The following DERA variants were observed in gnomAD, a reference collection of about 807,000 sequenced individuals.
DERA encodes the protein 2-deoxy-D-ribose 5-phosphate aldolase.
A neutral mutation model predicts 41.1 loss-of-function variants in DERA; 15 were observed. That is an observed-to-expected ratio of 0.37 (90% CI 0.24 to 0.56). DERA has a LOEUF of 0.56. Ranked by LOEUF, DERA falls within the 20% of genes least tolerant of loss-of-function variation. DERA has a pLI of 0.81. For missense variants in DERA, 396 were observed against 403.4 expected, an observed-to-expected ratio of 0.98 and a Z score of 0.16; for synonymous variants, 139 against 137.4, an observed-to-expected ratio of 1.01 and a Z score of -0.08.
intron 6 of DERA, among the ~76,000 whole-genome samples, chr12:16,025,847 A>G (rs983259755): frequency 6.6e-6 from 1 of 152,122 alleles, no homozygotes; most frequent in African/African-American, 2.4e-5. Context: ...ATCACACAAA[A>G]TATGTTCTCA....
chr12:16,022,872 C>T (rs1565616847), intron 6 of DERA, among the ~76,000 whole-genome samples: 1 of 152,258 alleles, frequency 6.6e-6, no homozygotes, highest in East Asian at 1.9e-4. Context: ...AGAACCCCAC[C>T]AGGTTCTCAC....
rs1271975772 is a variant in DERA, at chr12:16,014,121, C to T, written c.638-18421C>T. ...AACTTAGTTTAAAAGGGAAGCAGAG[C>T]ATAAAAGTTTAGAAAATTTGCAGCC... is the stretch of plus-strand genomic sequence containing the variant. On this transcript the variant is annotated intron_variant, in intron 6 of 8. Transcript: ENST00000428559. The surrounding 1 kb of genome is among the most constrained non-coding windows in gnomAD (Gnocchi z 5.4). Among the ~76,000 whole-genome samples the T allele has an allele frequency of 6.6e-6, 1 of 152,074 alleles. No homozygotes were observed. The highest frequency in any genetic ancestry group is 2.4e-5 in the African/African-American group (1 of 41,392).
Position 15,957,387 on chromosome 12 carries a change from T to C in DERA, c.129+354T>C, listed in dbSNP as rs1948548029. Among the ~76,000 whole-genome samples the C allele has an allele frequency of 6.6e-6, 1 of 152,218 alleles. No homozygotes were observed. The highest frequency in any genetic ancestry group is 1.5e-5 in the Non-Finnish European group (1 of 68,036). On this transcript the variant is annotated intron_variant, in intron 2 of 8. Transcript: ENST00000428559. The surrounding 1 kb of genome is among the most constrained non-coding windows in gnomAD (Gnocchi z 4.8). Reference sequence around the variant, plus strand: ...AATTTTAAAGCCCTAACATCTAAACTTGATGTGTCCACTGTTGAGGCCCTT... The same window carrying C: ...AATTTTAAAGCCCTAACATCTAAACCTGATGTGTCCACTGTTGAGGCCCTT...
At chr12:16,029,913 CTTTTTTTTTTTTT>C (rs71438364) in intron 6 of DERA, among the ~76,000 whole-genome samples, 5 of 59,692 alleles carry the variant, frequency 8.4e-5, no homozygotes, top group South Asian at 9.2e-4. Flanking sequence ...TAGCCTTGGT[CTTTTTTTTTTTTT>C]TTTTTTTTTT....
rs1948892038 is a variant in DERA at position 16,003,800 on chromosome 12, C to G, written c.637+21364C>G. On this transcript the variant is annotated intron_variant, in intron 6 of 8. Transcript: ENST00000428559. The surrounding 1 kb of genome is among the most constrained non-coding windows in gnomAD (Gnocchi z 4.8). ...CACTGCCCCTTCCCCGCAAAACCCT[C>G]TTTGTATCACCATCTTGAGATTCCT... Among the ~76,000 whole-genome samples the G allele has an allele frequency of 6.6e-6, 1 of 152,184 alleles. No individual in the cohort carries two copies. The highest frequency in any genetic ancestry group is 6.5e-5 in the Admixed American group (1 of 15,284).
rs749622311 is a variant in DERA at position 15,996,141 on chromosome 12, G to GAC, written c.637+13715_637+13716dup. On this transcript the variant is annotated intron_variant, in intron 6 of 8. Transcript: ENST00000428559. This position sits in a 1 kb window ranked among gnomAD's most constrained non-coding sequence, Gnocchi z 4.7. ...GAAAATTATTTCATATGCAGACACA[G>GAC]ACACACACACAGAGCATGTGTGTGT... 5.5e-4 allele frequency among the ~76,000 whole-genome samples: 80 copies of GAC among 144,214 alleles called. No homozygotes were observed. The highest frequency in any genetic ancestry group is 1.2e-3 in the Non-Finnish European group (76 of 65,966). The allele number at this position is 144,214 out of a possible 152,430, so 94.6% of individuals were successfully genotyped here. A position where few individuals can be genotyped will look rare whatever the true frequency, so the allele number is the denominator to read the frequency against.
chr12:15,971,884 G>A, intron 5 of DERA: 1 of 317,776 alleles, frequency 3.1e-6, no homozygotes, highest in Non-Finnish European at 6.2e-6. Context: ...AGATTTTGGA[G>A]CACAGTCAAT....
At position 15,943,013 on chromosome 12, in the gene DERA, T is replaced by C. The variant is rs1328375332; in HGVS notation, c.32-13923T>C. Among the ~76,000 whole-genome samples the C allele has an allele frequency of 6.6e-6, 1 of 152,136 alleles. No individual in the cohort carries two copies. Among genetic ancestry groups the C allele is most frequent in the East Asian group, 1.9e-4 (1 of 5,182 alleles). Reference sequence around the variant, plus strand: ...ACCATATTGGGAAGAGCTATCAAATTTGACTTCAGTAGTTACTTAGAGCAT... The same window carrying C: ...ACCATATTGGGAAGAGCTATCAAATCTGACTTCAGTAGTTACTTAGAGCAT... On this transcript the variant is annotated intron_variant, in intron 1 of 8. Transcript: ENST00000428559. This position sits in a 1 kb window ranked among gnomAD's most constrained non-coding sequence, Gnocchi z 4.5.
At chr12:15,951,203 C>T (rs1340889484) in intron 1 of DERA, among the ~76,000 whole-genome samples, 2 of 152,226 alleles carry the variant, frequency 1.3e-5, no homozygotes, top group African/African-American at 4.8e-5. Context: ...TGGGCCAGAG[C>T]AGGCTCTAAG....
rs970127840 is a variant in DERA, at chr12:15,998,855, C to T, written c.637+16419C>T. Among the ~76,000 whole-genome samples, 8 of 152,130 alleles carry T rather than the reference C, an allele frequency of 5.3e-5. No homozygotes were observed. Among genetic ancestry groups the T allele is most frequent in the African/African-American group, 1.7e-4 (7 of 41,444 alleles). On this transcript the variant is annotated intron_variant, in intron 6 of 8. Coordinates refer to ENST00000428559, the MANE Select transcript of DERA (RefSeq NM_015954.4). The surrounding 1 kb of genome is among the most constrained non-coding windows in gnomAD (Gnocchi z 4.8). ...GCCCCGAGATTAGCTTACAGAATAACTGAAATGTAGCCTGTGTCAGTTGCA... is the reference window on the plus strand; with the variant it reads ...GCCCCGAGATTAGCTTACAGAATAATTGAAATGTAGCCTGTGTCAGTTGCA...
rs1441909165 is a variant in DERA, at chr12:15,982,199, A to G, written c.509-109A>G. On this transcript the variant is annotated intron_variant, in intron 5 of 8. Coordinates refer to ENST00000428559, the MANE Select transcript of DERA (RefSeq NM_015954.4). The surrounding 1 kb of genome is among the most constrained non-coding windows in gnomAD (Gnocchi z 4.0). Reference sequence around the variant, plus strand: ...TGGGGTGATTTTTAGAAAGTGACAAATGTTTTATGTTTCCTAAATGTGAAA... The same window carrying G: ...TGGGGTGATTTTTAGAAAGTGACAAGTGTTTTATGTTTCCTAAATGTGAAA... 2 of 1,108,128 alleles carry G rather than the reference A, an allele frequency of 1.8e-6. No homozygotes were observed. The highest frequency in any genetic ancestry group is 2.5e-6 in the Non-Finnish European group (2 of 788,622). 68.6% of individuals were successfully genotyped at this position (1,108,128 alleles called of 1,614,324 possible).
intron 6 of DERA, among the ~76,000 whole-genome samples, chr12:16,005,191 C>A (rs1592046237): frequency 6.6e-6 from 1 of 152,132 alleles, no homozygotes; most frequent in Non-Finnish European, 1.5e-5. Context: ...GCCTGCAATC[C>A]CAGTGCTTTG....
chr12:15,917,936 G>A (rs1948212746), intron 1 of DERA, among the ~76,000 whole-genome samples: 1 of 152,156 alleles, frequency 6.6e-6, no homozygotes, highest in Non-Finnish European at 1.5e-5. Context: ...TCAGCTGGCA[G>A]AGCTGAAAAA....
In DERA at chr12:16,019,577, T is replaced by TGTATTCTTTCATTATTTGGTATGCC. The variant is rs1302072160; in HGVS notation, c.638-12964_638-12940dup. 1.5e-4 allele frequency among the ~76,000 whole-genome samples: 23 copies of TGTATTCTTTCATTATTTGGTATGCC among 152,342 alleles called. No individual in the cohort carries two copies. The highest frequency in any genetic ancestry group is 5.3e-4 in the African/African-American group (22 of 41,584). On this transcript the variant is annotated intron_variant, in intron 6 of 8. Transcript: ENST00000428559. This position sits in a 1 kb window ranked among gnomAD's most constrained non-coding sequence, Gnocchi z 4.4. ...TCACCTCCAACACAGACTTCTTAGA[T>TGTATTCTTTCATTATTTGGTATGCC]GTATTCTTTCATTATTTGGTATGCC...
intron 1 of DERA, among the ~76,000 whole-genome samples, chr12:15,920,873 G>A (rs1948238632): frequency 6.6e-6 from 1 of 152,194 alleles, no homozygotes; most frequent in African/African-American, 2.4e-5. Flanking sequence ...CAAATTATTT[G>A]TATTATGGGG....
Position 16,036,617 on chromosome 12 carries a change from T to C in DERA, c.901-73T>C. 1 of 1,143,752 alleles carries C rather than the reference T, an allele frequency of 8.7e-7. No homozygotes were observed. The highest frequency in any genetic ancestry group is 1.3e-6 in the Non-Finnish European group (1 of 787,312). 70.9% of individuals were successfully genotyped at this position (1,143,752 alleles called of 1,614,324 possible). Reference sequence around the variant, plus strand: ...GTTCATTAAAACTATTTATTATTATTTGATAGTATAATTATTAACTGATGT... The same window carrying C: ...GTTCATTAAAACTATTTATTATTATCTGATAGTATAATTATTAACTGATGT... On this transcript the variant is annotated intron_variant, in intron 8 of 8. Transcript: ENST00000428559. The surrounding 1 kb of genome is among the most constrained non-coding windows in gnomAD (Gnocchi z 4.9).
intron 4 of DERA, 133 bp downstream of exon 4, chr12:15,960,057 AT>A: frequency 1.6e-6 from 1 of 632,038 alleles, no homozygotes; most frequent in Non-Finnish European, 2.6e-6. Flanking sequence ...TTTATTCATG[AT>A]TTTAGTATGT....
Position 16,036,621 on chromosome 12 carries a change from TA to T in DERA, c.901-68del. 1 of 1,153,324 alleles carries T rather than the reference TA, an allele frequency of 8.7e-7. No homozygotes were observed. Among genetic ancestry groups the T allele is most frequent in the Admixed American group, 2.1e-5 (1 of 48,052 alleles). The allele number at this position is 1,153,324 out of a possible 1,614,324, so 71.4% of individuals were successfully genotyped here. On this transcript the variant is annotated intron_variant, in intron 8 of 8. Coordinates refer to ENST00000428559, the MANE Select transcript of DERA (RefSeq NM_015954.4). The surrounding 1 kb of genome is among the most constrained non-coding windows in gnomAD (Gnocchi z 4.9). Reference sequence around the variant, plus strand: ...ATTAAAACTATTTATTATTATTTGATAGTATAATTATTAACTGATGTGTATA... The same window carrying T: ...ATTAAAACTATTTATTATTATTTGATGTATAATTATTAACTGATGTGTATA...
chr12:15,974,551 A>G (rs1948684926), intron 5 of DERA, among the ~76,000 whole-genome samples: 1 of 152,182 alleles, frequency 6.6e-6, no homozygotes, highest in African/African-American at 2.4e-5. Flanking sequence ...GAGTCACAAG[A>G]TGTTAATTTG....
Sources: allele counts gnomAD v4.1 joint callset (sites outside exome capture counted in the v4.1 genomes callset), GRCh38; gene constraint gnomAD v4.1.1; non-coding constraint Gnocchi (gnomAD v3.1); transcripts MANE v1.5; gene names NCBI Gene and HGNC (gene_info 2026-07-23, HGNC 2026-07-21).